C9orf85: variants seen among roughly 807,000 people sequenced by gnomAD.
C9orf85 encodes the protein chromosome 9 open reading frame 85, also known as uncharacterized protein C9orf85.
In C9orf85, 16 loss-of-function variants were observed where a neutral mutation model predicts 14.9. That is an observed-to-expected ratio of 1.08 (90% CI 0.73 to 1.63). The LOEUF is 1.63. C9orf85 is among the 40% of genes most tolerant of loss of function. The pLI, the probability that C9orf85 is intolerant of heterozygous loss-of-function variation, is 0.00. For synonymous variants in C9orf85, 45 were observed against 56.8 expected, an observed-to-expected ratio of 0.79 and a Z score of 0.93; for missense variants, 172 against 186.1, an observed-to-expected ratio of 0.92 and a Z score of 0.44.
At chr9:71,912,095 G>A (rs1412440104) in intron 1 of C9orf85, 6 of 471,876 alleles carry the variant, frequency 1.3e-5, no homozygotes, top group African/African-American at 1.2e-4. Flanking sequence ...TGAAATCTAA[G>A]GTGCAGATGG....
downstream of C9orf85, among the ~76,000 whole-genome samples, chr9:71,977,673 C>A (rs1178419818): frequency 6.6e-6 from 1 of 152,118 alleles, no homozygotes; most frequent in Non-Finnish European, 1.5e-5. Flanking sequence ...TCCTTTTACC[C>A]CTCTTTCTAG....
intron 1 of C9orf85, among the ~76,000 whole-genome samples, chr9:71,933,092 T>G (rs1828108132): frequency 6.6e-6 from 1 of 152,064 alleles, no homozygotes; most frequent in African/African-American, 2.4e-5. Context: ...AAGAAAAGAT[T>G]GGGAAAAAGT....
chr9:71,957,254 A>G (rs1210610189), intron 2 of C9orf85, among the ~76,000 whole-genome samples: 2 of 152,194 alleles, frequency 1.3e-5, no homozygotes, highest in African/African-American at 4.8e-5. Context: ...TTAGGGTATC[A>G]GACTAAGTGG....
In C9orf85 at chr9:71,928,186, C is replaced by CAAAAAAAAA. The variant is rs58238164; in HGVS notation, c.102+16371_102+16379dup. On this transcript the variant is annotated intron_variant, in intron 1 of 3. Coordinates refer to ENST00000334731, the MANE Select transcript of C9orf85 (RefSeq NM_182505.5). ...TGGGCAACAGAATGAGGCTCTGTCT[C>CAAAAAAAAA]AAAAAAAAAAAAAAAAAAAAAAAAA... is the stretch of plus-strand genomic sequence containing the variant. Among the ~76,000 whole-genome samples, 134 of 74,276 alleles carry CAAAAAAAAA rather than the reference C, an allele frequency of 1.8e-3. 2 individuals are homozygous for CAAAAAAAAA. The highest frequency in any genetic ancestry group is 4.9e-3 in the African/African-American group (88 of 17,900). The allele number at this position is 74,276 out of a possible 152,430, so 48.7% of individuals were successfully genotyped here.
intron 2 of C9orf85, 83 bp from the exon 3 acceptor site, chr9:71,971,422 A>G (rs1165352981): frequency 4.1e-6 from 3 of 724,422 alleles, no homozygotes; most frequent in Non-Finnish European, 6.2e-6. Context: ...TAGGCTTTTT[A>G]ACTATACATT....
chr9:71,960,931 A>G, intron 2 of C9orf85, among the ~76,000 whole-genome samples: 1 of 119,102 alleles, frequency 8.4e-6, no homozygotes, highest in African/African-American at 3.3e-5. Flanking sequence ...TTTTTTTTTG[A>G]GACGGAGTTT....
intron 2 of C9orf85, among the ~76,000 whole-genome samples, chr9:71,950,544 G>A (rs1021184180): frequency 6.6e-6 from 1 of 152,028 alleles, no homozygotes. Context: ...GCTAATTTTT[G>A]TATTTTTAGT....
chr9:71,952,518 C>T (rs1041542403), intron 2 of C9orf85, among the ~76,000 whole-genome samples: 3 of 152,184 alleles, frequency 2.0e-5, no homozygotes, highest in African/African-American at 7.2e-5. Flanking sequence ...ACGCCCACCA[C>T]CACACCCGGC....
chr9:71,982,696 C>T (rs902409525), exon 4 of C9orf85: 12 of 352,128 alleles, frequency 3.4e-5, no homozygotes, highest in Non-Finnish European at 5.8e-5. Context: ...AGTGCAGTGG[C>T]AGGATCTTGG....
intron 1 of C9orf85, among the ~76,000 whole-genome samples, chr9:71,917,235 A>G (rs963874612): frequency 3.9e-5 from 6 of 152,360 alleles, no homozygotes; most frequent in African/African-American, 7.2e-5. Flanking sequence ...ATTGCCACCA[A>G]TACTAAACAT....
chr9:71,978,052 T>A (rs1249742722), downstream of C9orf85, among the ~76,000 whole-genome samples: 1 of 152,224 alleles, frequency 6.6e-6, no homozygotes, highest in Non-Finnish European at 1.5e-5. Flanking sequence ...TAATTTGAAG[T>A]ATATGGATTA....
At chr9:71,969,323 G>A (rs1822794633) in intron 2 of C9orf85, among the ~76,000 whole-genome samples, 1 of 151,998 alleles carries the variant, frequency 6.6e-6, no homozygotes, top group African/African-American at 2.4e-5. Flanking sequence ...TGTATTTTTA[G>A]TAGAGATGTG....
intron 1 of C9orf85, among the ~76,000 whole-genome samples, chr9:71,915,602 G>A (rs924201668): frequency 6.6e-6 from 1 of 152,186 alleles, no homozygotes; most frequent in African/African-American, 2.4e-5. Flanking sequence ...CATGCTTGTT[G>A]AAGAATACTG....
intron 1 of C9orf85, among the ~76,000 whole-genome samples, chr9:71,925,010 A>C (rs888122333): frequency 1.3e-5 from 2 of 152,226 alleles, no homozygotes; most frequent in Non-Finnish European, 1.5e-5. Flanking sequence ...AACAATGAGC[A>C]GTTCTTTGAC....
At chr9:71,942,556 A>G (rs1300942113) in intron 1 of C9orf85, among the ~76,000 whole-genome samples, 1 of 152,168 alleles carries the variant, frequency 6.6e-6, no homozygotes, top group East Asian at 1.9e-4. Context: ...TATGTCCAAC[A>G]ATGTTCTAGC....
chr9:71,949,600 AT>A (rs1336384181), intron 2 of C9orf85, among the ~76,000 whole-genome samples: 2 of 152,116 alleles, frequency 1.3e-5, no homozygotes, highest in Non-Finnish European at 1.5e-5. Flanking sequence ...GAAGAGAAAA[AT>A]ATACAGATTT....
chr9:71,962,458 A>G (rs1465210505), intron 2 of C9orf85, among the ~76,000 whole-genome samples: 1 of 152,216 alleles, frequency 6.6e-6, no homozygotes, highest in Non-Finnish European at 1.5e-5. Context: ...AACTTCAGCA[A>G]TGTTGCGTTT....
At chr9:71,942,956 G>A (rs1821977437) in intron 1 of C9orf85, among the ~76,000 whole-genome samples, 1 of 150,462 alleles carries the variant, frequency 6.6e-6, no homozygotes, top group Non-Finnish European at 1.5e-5. Flanking sequence ...TCACATTATT[G>A]TTATTAGTCA....
chr9:71,924,089 A>T (rs1263000941), intron 1 of C9orf85, among the ~76,000 whole-genome samples: 3 of 152,216 alleles, frequency 2.0e-5, no homozygotes, highest in Non-Finnish European at 4.4e-5. Context: ...GCAACTTCAG[A>T]TAATCCTTCT....
Sources: gnomAD v4.1 joint callset for allele counts (sites outside exome capture counted in the v4.1 genomes callset) on GRCh38, gnomAD v4.1.1 for gene constraint, MANE v1.5 for transcripts, NCBI Gene and HGNC (gene_info 2026-07-23, HGNC 2026-07-21) for gene names.